The following ZNF804B variants were observed in gnomAD, a reference collection of about 807,000 sequenced individuals.
ZNF804B encodes zinc finger 804B.
ZNF804B carries 80 observed loss-of-function variants against 101.4 expected under a neutral mutation model. The observed-to-expected ratio is 0.79, with a 90% CI of 0.66 to 0.95. The LOEUF (loss-of-function observed/expected upper bound fraction) is 0.95, where lower values mean the gene tolerates loss of function less well. Ranked by LOEUF, ZNF804B falls within the 40% of genes least tolerant of loss-of-function variation. ZNF804B has a pLI of 0.00. For missense variants in ZNF804B, 1,673 were observed against 1,561.9 expected, an observed-to-expected ratio of 1.07 and a Z score of -1.20; for synonymous variants, 622 against 558.8, an observed-to-expected ratio of 1.11 and a Z score of -1.59.
intron 1 of ZNF804B, among the ~76,000 whole-genome samples, chr7:88,905,589 C>A (rs1205198694): frequency 6.6e-6 from 1 of 152,130 alleles, no homozygotes; most frequent in East Asian, 1.9e-4. Flanking sequence ...GAACTGCTGA[C>A]CTCAGGTGAT....
intron 2 of ZNF804B, among the ~76,000 whole-genome samples, chr7:89,259,440 T>C (rs117755159): frequency 4.9e-3 from 744 of 152,324 alleles, no homozygotes; most frequent in Non-Finnish European, 7.9e-3. Context: ...CAGTAATTTA[T>C]TGTTTCAGAC....
intron 1 of ZNF804B, among the ~76,000 whole-genome samples, chr7:88,996,939 G>A (rs1174951522): frequency 1.3e-5 from 2 of 152,028 alleles, no homozygotes; most frequent in East Asian, 3.9e-4. Flanking sequence ...CTCAACAGAT[G>A]GACACGGTAA....
rs140466152 is a variant in ZNF804B, at chr7:89,334,524, C to T, written c.1542C>T (p.Ser514=). The change falls in exon 4 of 4, where the codon AGC becomes AGT. Residue 514 remains serine, a synonymous_variant. Transcript: ENST00000333190. ...TGGAATTGAAGACTAAAAGAGAGAG[C>T]CAAGTCTCAGGTTTAACTGAAGACC... ...KPLELKTKRE[S]QVSGLTEDQQ... is the part of the protein sequence containing the mutation. 2.5e-6 allele frequency: 4 copies of T among 1,613,418 alleles called. No homozygotes were observed. The African/African-American group carries it at 5.3e-5, about 22-fold the overall frequency.
chr7:89,218,559 C>A (rs1303866860), intron 2 of ZNF804B, among the ~76,000 whole-genome samples: 1 of 152,026 alleles, frequency 6.6e-6, no homozygotes, highest in African/African-American at 2.4e-5. Flanking sequence ...ATTCAGTTAA[C>A]CCTTAAACAA....
Position 88,818,894 on chromosome 7 carries a change from A to G in ZNF804B, c.108+58810A>G, listed in dbSNP as rs745943883. Among the ~76,000 whole-genome samples the G allele has an allele frequency of 3.9e-5, 6 of 152,148 alleles. No homozygotes were observed. The South Asian group carries it at 1.0e-3, about 26-fold the overall frequency. On this transcript the variant is annotated intron_variant, in intron 1 of 3. Coordinates refer to ENST00000333190, the MANE Select transcript of ZNF804B (RefSeq NM_181646.5). The stretch of plus-strand genomic sequence containing the variant: ...ACAATATTAGATGAAATTGCTGGTC[A>G]TTATTCTTGTTGTTGTACTACTATG...
intron 1 of ZNF804B, among the ~76,000 whole-genome samples, chr7:89,074,914 CTCT>C (rs2116303413): frequency 6.6e-6 from 1 of 152,252 alleles, no homozygotes; most frequent in African/African-American, 2.4e-5. Flanking sequence ...GCAAAGGTAA[CTCT>C]TCTTATGTTT....
chr7:88,822,858 A>G (rs947668790), intron 1 of ZNF804B, among the ~76,000 whole-genome samples: 37 of 152,198 alleles, frequency 2.4e-4, no homozygotes, highest in African/African-American at 8.2e-4. Flanking sequence ...GGTACAAAGA[A>G]TTGTGTAAGG....
chr7:89,321,686 A>T (rs1399526774), intron 2 of ZNF804B, among the ~76,000 whole-genome samples: 1 of 152,102 alleles, frequency 6.6e-6, no homozygotes, highest in Non-Finnish European at 1.5e-5. Context: ...TTTTAAGTAT[A>T]CAGATGGTAT....
chr7:89,328,436 A>G (rs562235325), intron 3 of ZNF804B, among the ~76,000 whole-genome samples: 28 of 152,034 alleles, frequency 1.8e-4, no homozygotes, highest in Non-Finnish European at 2.2e-4. Flanking sequence ...GAAATTTCAT[A>G]TGAAGACAAA....
intron 1 of ZNF804B, among the ~76,000 whole-genome samples, chr7:88,823,432 T>G (rs1791012067): frequency 1.3e-5 from 2 of 152,140 alleles, no homozygotes. Context: ...TGTATTATAC[T>G]GACAAAGGTG....
intron 2 of ZNF804B, among the ~76,000 whole-genome samples, chr7:89,235,585 T>A (rs1243449812): frequency 6.6e-6 from 1 of 152,146 alleles, no homozygotes; most frequent in African/African-American, 2.4e-5. Context: ...AAGCTGCCCT[T>A]TGCAAAAACA....
chr7:89,304,788 C>A (rs1469273011), intron 2 of ZNF804B, among the ~76,000 whole-genome samples: 1 of 151,864 alleles, frequency 6.6e-6, no homozygotes, highest in Non-Finnish European at 1.5e-5. Flanking sequence ...CCATCTAAGT[C>A]CAAGTCCCCA....
intron 1 of ZNF804B, among the ~76,000 whole-genome samples, chr7:88,885,254 A>C (rs1792108918): frequency 6.6e-6 from 1 of 151,860 alleles, no homozygotes; most frequent in Admixed American, 6.6e-5. Context: ...TTGCATAAAA[A>C]TGTCCTTTGT....
intron 2 of ZNF804B, among the ~76,000 whole-genome samples, chr7:89,322,145 A>T (rs1283843936): frequency 6.6e-6 from 1 of 152,198 alleles, no homozygotes; most frequent in South Asian, 2.1e-4. Context: ...CTAGTAATTG[A>T]TAAAACAAGT....
intron 1 of ZNF804B, among the ~76,000 whole-genome samples, chr7:89,047,061 G>T (rs1055820210): frequency 9.2e-5 from 14 of 151,826 alleles, no homozygotes; most frequent in Non-Finnish European, 1.6e-4. Flanking sequence ...ATCCTTTGAG[G>T]GTTTTAAAAT....
chr7:89,278,059 A>G (rs1187574455), intron 2 of ZNF804B, among the ~76,000 whole-genome samples: 5 of 152,024 alleles, frequency 3.3e-5, no homozygotes, highest in African/African-American at 4.8e-5. Flanking sequence ...GTGTAAGATG[A>G]TATCTCATTG....
At chr7:89,299,810 A>G (rs1330600238) in intron 2 of ZNF804B, among the ~76,000 whole-genome samples, 1 of 152,022 alleles carries the variant, frequency 6.6e-6, no homozygotes, top group African/African-American at 2.4e-5. Context: ...AGTATTTAAC[A>G]TACATATATT....
intron 2 of ZNF804B, among the ~76,000 whole-genome samples, chr7:89,231,951 A>C (rs71557038): frequency 0.045 from 6,827 of 152,112 alleles, 145 homozygotes; most frequent in South Asian, 0.072. Context: ...CAGAATTCCA[A>C]TGTGGTGTTG....
At chr7:89,072,131 A>G (rs1464383529) in intron 1 of ZNF804B, among the ~76,000 whole-genome samples, 2 of 152,198 alleles carry the variant, frequency 1.3e-5, no homozygotes, top group Non-Finnish European at 2.9e-5. Context: ...GGTTTCCATG[A>G]TCTTGCTTTT....
Sources: gnomAD v4.1 joint callset for allele counts (sites outside exome capture counted in the v4.1 genomes callset) on GRCh38, gnomAD v4.1.1 for gene constraint, MANE v1.5 for transcripts, NCBI Gene and HGNC (gene_info 2026-07-23, HGNC 2026-07-21) for gene names.